CAST: variants seen among roughly 807,000 people sequenced by gnomAD.
CAST encodes the protein calpastatin.
In CAST, 76 loss-of-function variants were observed where a neutral mutation model predicts 119.6. The observed-to-expected ratio is 0.64, with a 90% CI of 0.53 to 0.77. The LOEUF (loss-of-function observed/expected upper bound fraction) is 0.77. CAST is among the 30% of genes least tolerant of loss of function. The pLI is 0.00. For missense variants in CAST, 953 were observed against 946.5 expected (o/e 1.01, Z -0.09); for synonymous variants, 319 against 331.6 (o/e 0.96, Z 0.41).
chr5:96,067,183 A>G, the CAST span, among the ~76,000 whole-genome samples: 1 of 152,212 alleles, frequency 6.6e-6, no homozygotes, highest in African/African-American at 2.4e-5. Context: ...ATGTAAAAAT[A>G]GGTAATAGGG....
chr5:96,268,033 T>A, the CAST span, among the ~76,000 whole-genome samples: 8 of 152,136 alleles, frequency 5.3e-5, no homozygotes, highest in African/African-American at 1.9e-4. Flanking sequence ...ATCTATAAGA[T>A]GTCTTTTTGT....
At chr5:96,349,147 T>TTTTTTTTTTTTTTTTTTTTTTTTTTTTC in the CAST span, among the ~76,000 whole-genome samples, 1 of 145,770 alleles carries the variant, frequency 6.9e-6, no homozygotes, top group Admixed American at 6.8e-5. Context: ...CTATTTTTTT[T>TTTTTTTTTTTTTTTTTTTTTTTTTTTTC]TTTTTTTTTT....
chr5:96,636,331 G>A (rs890627712), intron 1 of CAST, among the ~76,000 whole-genome samples: 1 of 152,090 alleles, frequency 6.6e-6, no homozygotes, highest in Admixed American at 6.5e-5. Flanking sequence ...CATTACTAGT[G>A]GGAAAAATTT....
the CAST span, among the ~76,000 whole-genome samples, chr5:96,211,198 A>G: frequency 6.6e-6 from 1 of 151,954 alleles, no homozygotes. Context: ...TTCCAGTAAT[A>G]TGGGTGAGTA....
chr5:96,662,291 C>G (rs1406793615), upstream of CAST: 2 of 1,139,968 alleles, frequency 1.8e-6, no homozygotes, highest in African/African-American at 3.4e-5. Context: ...GTCGGAAAAG[C>G]TGTTTCATCG....
At chr5:96,113,646 T>C in the CAST span, among the ~76,000 whole-genome samples, 6 of 152,260 alleles carry the variant, frequency 3.9e-5, no homozygotes, top group African/African-American at 1.4e-4. Context: ...CTTTTGCCAT[T>C]GCCTGGTGCC....
chr5:96,691,067 A>G (rs553940495), intron 2 of CAST, among the ~76,000 whole-genome samples: 1 of 152,210 alleles, frequency 6.6e-6, no homozygotes, highest in Non-Finnish European at 1.5e-5. Context: ...AGTTTTTCAT[A>G]TAGAAAACTA....
chr5:96,762,457 G>A, intron 25 of CAST, 85 bp downstream of exon 25: 1 of 888,016 alleles, frequency 1.1e-6, no homozygotes, highest in South Asian at 1.9e-5. Flanking sequence ...TAAAGCAAAT[G>A]AAAATAGGCA....
the CAST span, among the ~76,000 whole-genome samples, chr5:96,022,000 T>A: frequency 6.6e-6 from 1 of 152,220 alleles, no homozygotes; most frequent in Non-Finnish European, 1.5e-5. Flanking sequence ...TATACAGACA[T>A]TTTTTCTTTC....
chr5:96,528,500 T>A (rs759044243), upstream of CAST, among the ~76,000 whole-genome samples: 1 of 152,062 alleles, frequency 6.6e-6, no homozygotes, highest in Admixed American at 6.5e-5. Context: ...AATATCCCCA[T>A]GTGATGGAGC....
At chr5:96,767,518 G>A in intron 28 of CAST, 36 bp downstream of exon 28, 1 of 1,575,462 alleles carries the variant, frequency 6.3e-7, no homozygotes, top group Non-Finnish European at 8.7e-7. Flanking sequence ...ATTAAATTTT[G>A]TTTTATTCTA....
the CAST span, chr5:96,410,939 C>T: frequency 6.2e-7 from 1 of 1,613,842 alleles, no homozygotes; most frequent in African/African-American, 1.3e-5. Context: ...CCTGACGCCC[C>T]CCGTTTCCCG....
intron 1 of CAST, among the ~76,000 whole-genome samples, chr5:96,624,445 A>G (rs1218115638): frequency 6.6e-6 from 1 of 152,258 alleles, no homozygotes; most frequent in African/African-American, 2.4e-5. Flanking sequence ...AATGATCTGG[A>G]AGGAATTATA....
intron 1 of CAST, among the ~76,000 whole-genome samples, chr5:96,611,834 A>G (rs1399793901): frequency 2.0e-5 from 3 of 152,300 alleles, no homozygotes; most frequent in African/African-American, 7.2e-5. Context: ...CAACAAGCAT[A>G]TGGAAAAATG....
the CAST span, among the ~76,000 whole-genome samples, chr5:96,170,851 G>T: frequency 6.6e-6 from 1 of 152,172 alleles, no homozygotes; most frequent in Non-Finnish European, 1.5e-5. Flanking sequence ...GGCTAGTTGC[G>T]GAACGAAACT....
chr5:96,748,595 G>A lies in CAST; in HGVS notation c.1410G>A (p.Lys470=), dbSNP rs774167683. 6 of 1,516,610 alleles carry A rather than the reference G, an allele frequency of 4.0e-6. No individual in the cohort carries two copies. In the East Asian group the frequency reaches 6.8e-5, roughly 17 times the overall value. The allele number at this position is 1,516,610 out of a possible 1,614,324, so 93.9% of individuals were successfully genotyped here. ...DRSECKEKPS[K]PTEKTEESKA... ...CTGAATGTAAAGAGAAACCATCTAA[G>A]CCAACTGAAAAGACAGAAGTATGTT... The change falls in exon 19 of 32, where the codon AAG becomes AAA. Residue 470 remains lysine (K), a synonymous_variant. Transcript: ENST00000675179.
Position 96,662,506 on chromosome 5 carries a change from C to T in CAST, c.75+9C>T. 2 of 1,379,726 alleles carry T rather than the reference C, an allele frequency of 1.4e-6. No individual in the cohort carries two copies. Among genetic ancestry groups the T allele is most frequent in the Non-Finnish European group, 1.9e-6 (2 of 1,073,914 alleles). 85.5% of individuals were successfully genotyped at this position (1,379,726 alleles called of 1,614,324 possible). Reference sequence around the variant, plus strand: ...CCCGCCGCACCCATGAGGTGAGTGGCGCTCCTGTCGGCGTCGCGGGGCTGG... The same window carrying T: ...CCCGCCGCACCCATGAGGTGAGTGGTGCTCCTGTCGGCGTCGCGGGGCTGG... On this transcript the variant is annotated intron_variant, in intron 1 of 31. Coordinates refer to ENST00000675179, the MANE Select transcript of CAST (RefSeq NM_001750.7).
At chr5:95,991,504 T>G in the CAST span, among the ~76,000 whole-genome samples, 573 of 141,714 alleles carry the variant, frequency 4.0e-3, 6 homozygotes, top group African/African-American at 0.014. Flanking sequence ...TTTGTTTTTT[T>G]TTTTTTTTTT....
rs1273452468 is a variant in CAST, at chr5:96,631,293, C to T, written c.61-44246C>T. On this transcript the variant is annotated intron_variant, in intron 1 of 11. Coordinates refer to the CAST transcript ENST00000505143. The stretch of plus-strand genomic sequence containing the variant: ...CTCTATTCCCATGCCCTGGCAACCA[C>T]TAATCTACTTTCTATCTCTATAAAT... 1.4e-5 allele frequency among the ~76,000 whole-genome samples: 2 copies of T among 141,008 alleles called. 1 individual carries two copies. Among genetic ancestry groups the T allele is most frequent in the Non-Finnish European group, 3.2e-5 (2 of 62,702 alleles). The allele number at this position is 141,008 out of a possible 152,430, so 92.5% of individuals were successfully genotyped here.
Sources: gnomAD v4.1 joint callset for allele counts (sites outside exome capture counted in the v4.1 genomes callset) on GRCh38, gnomAD v4.1.1 for gene constraint, MANE v1.5 for transcripts, NCBI Gene and HGNC (gene_info 2026-07-23, HGNC 2026-07-21) for gene names.